The following CNOT6L variants were observed in gnomAD, a reference collection of about 807,000 sequenced individuals.
CNOT6L encodes CCR4-NOT transcription complex subunit 6 like, also known as CCR4-NOT transcription complex subunit 6-like.
A neutral mutation model predicts 64.0 loss-of-function variants in CNOT6L; 7 were observed. The ratio of observed to expected loss-of-function variants is 0.11; its 90% CI spans 0.06 to 0.21. The LOEUF (loss-of-function observed/expected upper bound fraction) is 0.21. CNOT6L is among the 10% of genes least tolerant of loss of function. The pLI, the probability that CNOT6L is intolerant of heterozygous loss-of-function variation, is 1.00. For synonymous variants in CNOT6L, 193 were observed against 243.4 expected (o/e 0.79, Z 1.93); for missense variants, 245 against 669.0 (o/e 0.37, Z 6.99).
chr4:77,813,860 A>G (rs754110098), intron 1 of CNOT6L, among the ~76,000 whole-genome samples: 32 of 152,332 alleles, frequency 2.1e-4, no homozygotes, highest in South Asian at 6.2e-4. Flanking sequence ...AAGTTTAAAC[A>G]CAAAGTGGTA....
chr4:77,791,170 C>T (rs1033617276), intron 1 of CNOT6L, among the ~76,000 whole-genome samples: 1 of 151,962 alleles, frequency 6.6e-6, no homozygotes, highest in South Asian at 2.1e-4. Context: ...CCCAGCTACT[C>T]GGGAAGCTGA....
chr4:77,735,691 G>A (rs918841207), intron 8 of CNOT6L, among the ~76,000 whole-genome samples: 4 of 152,118 alleles, frequency 2.6e-5, no homozygotes, highest in Non-Finnish European at 4.4e-5. Flanking sequence ...AATCATGAAA[G>A]CAAAACATAA....
At chr4:77,729,200 A>G in intron 9 of CNOT6L, 119 bp from the exon 10 acceptor site, 1 of 710,984 alleles carries the variant, frequency 1.4e-6, no homozygotes, top group East Asian at 2.6e-5. Context: ...CCATGAATTT[A>G]TAACTTCCCT....
intron 8 of CNOT6L, among the ~76,000 whole-genome samples, chr4:77,737,442 G>A (rs1195738592): frequency 2.3e-5 from 2 of 86,636 alleles, no homozygotes; most frequent in Non-Finnish European, 4.1e-5. Context: ...TTTTTTTTGA[G>A]ATGGAATCTT....
chr4:77,737,077 C>T (rs750001806), intron 8 of CNOT6L, among the ~76,000 whole-genome samples: 4 of 152,150 alleles, frequency 2.6e-5, no homozygotes, highest in Non-Finnish European at 4.4e-5. Context: ...TGACTGCCAA[C>T]TATGAGAAAC....
intron 1 of CNOT6L, among the ~76,000 whole-genome samples, chr4:77,808,348 G>C (rs1456456141): frequency 1.3e-5 from 2 of 151,748 alleles, no homozygotes; most frequent in Non-Finnish European, 2.9e-5. Flanking sequence ...TGTAATCCCA[G>C]CTTCTCGGGA....
chr4:77,720,614 C>T lies in CNOT6L; in HGVS notation c.1485G>A (p.Lys495=), dbSNP rs1350741489. The T allele has an allele frequency of 6.2e-7, 1 of 1,612,954 alleles. No individual in the cohort carries two copies. The highest frequency in any genetic ancestry group is 8.5e-7 in the Non-Finnish European group (1 of 1,179,368). Residue 495 remains lysine, a synonymous_variant, in exon 12 of 12, where the codon AAG becomes AAA. Coordinates refer to ENST00000504123, the MANE Select transcript of CNOT6L (RefSeq NM_144571.3). ...GGACACCAAGCACGTTCATATGAGTCTTGGAATAGAAAATGTAGTCAATCA... is the reference window on the plus strand; with the variant it reads ...GGACACCAAGCACGTTCATATGAGTTTTGGAATAGAAAATGTAGTCAATCA... ...KGVIDYIFYS[K]THMNVLGVLG... is the part of the protein sequence containing the mutation.
intron 5 of CNOT6L, among the ~76,000 whole-genome samples, chr4:77,756,309 G>T (rs1308994514): frequency 6.6e-6 from 1 of 152,140 alleles, no homozygotes; most frequent in Non-Finnish European, 1.5e-5. Flanking sequence ...TCTTATAGAA[G>T]AAAACTTCCA....
intron 11 of CNOT6L, among the ~76,000 whole-genome samples, chr4:77,722,372 C>T (rs1351440592): frequency 6.6e-6 from 1 of 151,948 alleles, no homozygotes; most frequent in Non-Finnish European, 1.5e-5. Context: ...ACCAGCCTGG[C>T]CAACATGGTG....
intron 5 of CNOT6L, 129 bp downstream of exon 5, chr4:77,756,733 A>G (rs992818236): frequency 8.9e-6 from 5 of 564,744 alleles, no homozygotes; most frequent in African/African-American, 5.7e-5. Flanking sequence ...CTAACGTAGG[A>G]TATACAATGG....
rs1271345713 is a variant in CNOT6L at position 77,726,222 on chromosome 4, T to C, written c.1400A>G (p.Lys467Arg). The change falls in exon 11 of 12, where the codon AAG (lysine) becomes AGG (arginine). Residue 467 changes from lysine to arginine, a missense_variant. By Grantham distance (26) the Lys-to-Arg change is conservative. Around this residue, in one of 10 missense-constraint regions of CNOT6L, gnomAD observed 8 missense variants for 47.1 expected, o/e 0.17. Transcript: ENST00000504123. The stretch of plus-strand genomic sequence containing the variant: ...CATCAAGTTATTTTCATAGGCGCTC[T>C]TAAGTTGGAAGCCATGTGTGATTCT... ...EGRITHGFQLKSAYENNLMPY... is the reference protein window; with the variant it reads ...EGRITHGFQLRSAYENNLMPY... 6.2e-7 allele frequency: 1 copy of C among 1,613,774 alleles called. No homozygotes were observed. The highest frequency in any genetic ancestry group is 1.3e-5 in the African/African-American group (1 of 74,936).
chr4:77,752,733 T>TTATACATAAATA (rs1482080808), intron 5 of CNOT6L, among the ~76,000 whole-genome samples: 1 of 151,638 alleles, frequency 6.6e-6, no homozygotes, highest in African/African-American at 2.4e-5. Context: ...AGAGAAATAT[T>TTATACATAAATA]TATACATAAA....
At chr4:77,768,470 A>AAAATAT (rs1727112716) in intron 4 of CNOT6L, among the ~76,000 whole-genome samples, 4 of 134,406 alleles carry the variant, frequency 3.0e-5, no homozygotes, top group African/African-American at 1.2e-4. Flanking sequence ...GTCTAAAATA[A>AAAATAT]ATAAATATAT....
At chr4:77,820,218 G>C (rs1281947038), upstream of CNOT6L, among the ~76,000 whole-genome samples, 1 of 152,200 alleles carries the variant, frequency 6.6e-6, no homozygotes, top group Non-Finnish European at 1.5e-5. Context: ...ACAAGGTGCA[G>C]AGAGTGCGAG....
At chr4:77,723,760 A>T (rs1335051785) in intron 11 of CNOT6L, among the ~76,000 whole-genome samples, 2 of 152,192 alleles carry the variant, frequency 1.3e-5, no homozygotes, top group African/African-American at 4.8e-5. Flanking sequence ...TCTCTGAGCC[A>T]GGCATTTCTA....
intron 1 of CNOT6L, among the ~76,000 whole-genome samples, chr4:77,805,293 A>G (rs576562535): frequency 6.6e-6 from 1 of 152,204 alleles, no homozygotes; most frequent in Non-Finnish European, 1.5e-5. Flanking sequence ...TGATGCAATA[A>G]AAATACTACC....
Position 77,713,594 on chromosome 4 carries a change from T to C in CNOT6L, c.*6837A>G, listed in dbSNP as rs1372912766. ...ACCTCCCTTCTGAGCTGCCACAAGATTTAAAAGGCAGGACTGCTTTTTTTT... is the reference window on the plus strand; with the variant it reads ...ACCTCCCTTCTGAGCTGCCACAAGACTTAAAAGGCAGGACTGCTTTTTTTT... On this transcript the variant is annotated 3_prime_UTR_variant, in exon 12 of 12. Transcript: ENST00000504123. 1.3e-5 allele frequency: 2 copies of C among 152,598 alleles called. No individual in the cohort carries two copies. The highest frequency in any genetic ancestry group is 2.9e-5 in the Non-Finnish European group (2 of 68,020). The allele number at this position is 152,598 out of a possible 1,614,324, so 9.5% of individuals were successfully genotyped here.
chr4:77,813,418 A>G (rs1733187273), intron 1 of CNOT6L, among the ~76,000 whole-genome samples: 1 of 152,166 alleles, frequency 6.6e-6, no homozygotes, highest in African/African-American at 2.4e-5. Flanking sequence ...AATAACAAGA[A>G]TTTCACTTCA....
At chr4:77,787,068 C>T (rs1244708075) in intron 1 of CNOT6L, among the ~76,000 whole-genome samples, 1 of 151,954 alleles carries the variant, frequency 6.6e-6, no homozygotes, top group Non-Finnish European at 1.5e-5. Flanking sequence ...GAGTTCAAGA[C>T]CGGCCTGGCC....
Sources: allele counts gnomAD v4.1 joint callset (sites outside exome capture counted in the v4.1 genomes callset), GRCh38; gene constraint gnomAD v4.1.1; regional missense constraint gnomAD v4.1.1; transcripts MANE v1.5; gene names NCBI Gene and HGNC (gene_info 2026-07-23, HGNC 2026-07-21).